TMTC2: variants seen among roughly 807,000 people sequenced by gnomAD.
The protein encoded by TMTC2 is protein O-mannosyl-transferase TMTC2.
TMTC2 carries 43 observed loss-of-function variants against 82.4 expected under a neutral mutation model. The ratio of observed to expected loss-of-function variants is 0.52; its 90% CI spans 0.41 to 0.67. The LOEUF is 0.67. Among genes scored for constraint, TMTC2 ranks in the 30% least tolerant of loss-of-function variants. The probability of loss-of-function intolerance (pLI) is 0.00; values close to 1 mark genes in which losing one functional copy is unlikely to be tolerated. For synonymous variants in TMTC2, 408 were observed against 381.9 expected, an observed-to-expected ratio of 1.07 and a Z score of -0.80; for missense variants, 919 against 1,012.4, an observed-to-expected ratio of 0.91 and a Z score of 1.25.
chr12:82,759,443 T>C (rs1876496422), intron 1 of TMTC2: 1 of 152,188 alleles, frequency 6.6e-6, no homozygotes, highest in African/African-American at 2.4e-5. Context: ...ATTTTCTCTC[T>C]ATGAAAAATT....
chr12:82,819,397 TATAG>T (rs1868943600), intron 1 of TMTC2, among the ~76,000 whole-genome samples: 1 of 152,020 alleles, frequency 6.6e-6, no homozygotes, highest in East Asian at 1.9e-4. Context: ...CTGGCATACT[TATAG>T]ATAATCTCCA....
chr12:83,071,107 G>T (rs545275538), intron 11 of TMTC2, among the ~76,000 whole-genome samples: 12 of 151,138 alleles, frequency 7.9e-5, no homozygotes, highest in African/African-American at 2.9e-4. Flanking sequence ...TTTTGTTAAA[G>T]ATTTTAATAT....
At chr12:82,913,189 A>G (rs557642020) in intron 3 of TMTC2, among the ~76,000 whole-genome samples, 2 of 152,266 alleles carry the variant, frequency 1.3e-5, no homozygotes, top group Admixed American at 1.3e-4. Context: ...TTTTGCCATT[A>G]CACTTTAGCA....
At chr12:83,105,722 AATATCCAAACT>A (rs1884370992) in intron 11 of TMTC2, among the ~76,000 whole-genome samples, 1 of 152,184 alleles carries the variant, frequency 6.6e-6, no homozygotes, top group Admixed American at 6.5e-5. Context: ...GGTGGGGACA[AATATCCAAACT>A]ATATCTAGGT....
chr12:83,131,414 C>G (rs898675936), intron 11 of TMTC2, among the ~76,000 whole-genome samples: 3 of 152,040 alleles, frequency 2.0e-5, no homozygotes, highest in African/African-American at 7.3e-5. Flanking sequence ...CACTTTTAAC[C>G]TTTTTTCCAC....
chr12:82,769,138 G>A (rs1247138013), intron 1 of TMTC2, among the ~76,000 whole-genome samples: 1 of 151,332 alleles, frequency 6.6e-6, no homozygotes, highest in Non-Finnish European at 1.5e-5. Context: ...CAATTCAGTG[G>A]CCACGAGAAT....
intron 1 of TMTC2, among the ~76,000 whole-genome samples, chr12:82,772,989 G>A (rs1877388885): frequency 6.6e-6 from 1 of 152,108 alleles, no homozygotes; most frequent in Non-Finnish European, 1.5e-5. Flanking sequence ...AGGTTTGAAA[G>A]GTATTTTTTG....
rs190674815 is a variant in TMTC2, at chr12:82,689,313, A to T, written c.83+1644A>T. Among the ~76,000 whole-genome samples, 108 of 152,086 alleles carry T rather than the reference A, an allele frequency of 7.1e-4. 1 individual carries two copies. The highest frequency in any genetic ancestry group is 3.3e-3 in the South Asian group (16 of 4,806). On this transcript the variant is annotated intron_variant, in intron 1 of 11. Coordinates refer to ENST00000321196, the MANE Select transcript of TMTC2 (RefSeq NM_152588.3). ...GAATATAGAGTTTATTTAAAAAAAG[A>T]AACTTACTATAATAATGCAACTTGA... is the stretch of plus-strand genomic sequence containing the variant.
intron 1 of TMTC2, among the ~76,000 whole-genome samples, chr12:82,784,814 A>G (rs1013779417): frequency 1.3e-5 from 2 of 152,092 alleles, no homozygotes; most frequent in African/African-American, 2.4e-5. Flanking sequence ...GGTGGAGAAC[A>G]CTGGCTTTAT....
intron 1 of TMTC2, among the ~76,000 whole-genome samples, chr12:82,730,778 T>C (rs1014987609): frequency 3.3e-5 from 5 of 152,222 alleles, no homozygotes; most frequent in Non-Finnish European, 1.5e-5. Flanking sequence ...TATTGTGGGC[T>C]CCTGTCCTTT....
chr12:82,877,163 G>A (rs1872623017), intron 2 of TMTC2, among the ~76,000 whole-genome samples: 1 of 152,020 alleles, frequency 6.6e-6, no homozygotes, highest in Admixed American at 6.6e-5. Context: ...TTTTTGCATT[G>A]ATCAAAGTTA....
chr12:83,026,166 G>T (rs1881166196), intron 8 of TMTC2, among the ~76,000 whole-genome samples: 1 of 152,062 alleles, frequency 6.6e-6, no homozygotes, highest in African/African-American at 2.4e-5. Context: ...AGCCTATAAA[G>T]ATTTGCCTCA....
chr12:83,075,169 G>A (rs1019380208), intron 11 of TMTC2, among the ~76,000 whole-genome samples: 8 of 152,172 alleles, frequency 5.3e-5, no homozygotes, highest in African/African-American at 1.9e-4. Context: ...GTGTGTGTCA[G>A]GAGAGGAGGG....
intron 1 of TMTC2, among the ~76,000 whole-genome samples, chr12:82,765,317 A>T (rs1439477565): frequency 1.3e-5 from 2 of 152,176 alleles, no homozygotes; most frequent in East Asian, 3.9e-4. Context: ...TCTATGTCAG[A>T]TAGTATGTTG....
chr12:82,965,445 T>A lies in TMTC2; in HGVS notation c.1685-115T>A. On this transcript the variant is annotated intron_variant, in intron 5 of 11. Transcript: ENST00000321196. ...CATGAGTATTTGTGTCATAAGTATT[T>A]TTTTCTTTTTTAATGAGCACTAAAC... 11 of 1,091,074 alleles carry A rather than the reference T, an allele frequency of 1.0e-5. No homozygotes were observed. In the South Asian group the frequency reaches 1.6e-4, roughly 16 times the overall value. 67.6% of individuals were successfully genotyped at this position (1,091,074 alleles called of 1,614,324 possible).
At chr12:83,060,369 C>T (rs913056783) in intron 10 of TMTC2, among the ~76,000 whole-genome samples, 2 of 151,666 alleles carry the variant, frequency 1.3e-5, no homozygotes, top group African/African-American at 4.8e-5. Flanking sequence ...TTTGGCTTGA[C>T]CAAAGTACAA....
chr12:82,754,260 T>C (rs1876175313), intron 1 of TMTC2, among the ~76,000 whole-genome samples: 3 of 152,170 alleles, frequency 2.0e-5, no homozygotes. Context: ...TTTAATTCAC[T>C]GAGTTAAGAA....
chr12:83,119,499 G>A (rs1375390028), intron 11 of TMTC2, among the ~76,000 whole-genome samples: 1 of 152,106 alleles, frequency 6.6e-6, no homozygotes, highest in East Asian at 1.9e-4. Context: ...CCACTGTGGT[G>A]TGAGAGAGTG....
chr12:82,981,002 T>C (rs1878891286), intron 7 of TMTC2, among the ~76,000 whole-genome samples: 2 of 151,898 alleles, frequency 1.3e-5, no homozygotes, highest in South Asian at 4.1e-4. Flanking sequence ...TCTTTGTCGC[T>C]AGATTGTAAG....
Sources: gnomAD v4.1 joint callset for allele counts (sites outside exome capture counted in the v4.1 genomes callset) on GRCh38, gnomAD v4.1.1 for gene constraint, MANE v1.5 for transcripts, NCBI Gene and HGNC (gene_info 2026-07-23, HGNC 2026-07-21) for gene names.